ERAP1: variants seen among roughly 807,000 people sequenced by gnomAD.
ERAP1 encodes adipocyte-derived leucine aminopeptidase.
ERAP1 carries 86 observed loss-of-function variants against 103.7 expected under a neutral mutation model. That is an observed-to-expected ratio of 0.83 (90% CI 0.70 to 0.99). The LOEUF is 0.99. Among genes scored for constraint, ERAP1 ranks in the 50% least tolerant of loss-of-function variants. The pLI is 0.00. For synonymous variants in ERAP1, 398 were observed against 402.4 expected (o/e 0.99, Z 0.13); for missense variants, 1,009 against 1,128.4 (o/e 0.89, Z 1.52).
At chr5:96,769,425 A>G (rs1581441480) in intron 19 of ERAP1, 1 of 151,390 alleles carries the variant, frequency 6.6e-6, no homozygotes, top group Admixed American at 6.6e-5. Flanking sequence ...TTGGTACACA[A>G]AAGCCAGTCC....
the ERAP1 span, among the ~76,000 whole-genome samples, chr5:96,825,051 A>C: frequency 1.3e-5 from 2 of 152,164 alleles, no homozygotes; most frequent in African/African-American, 4.8e-5. Context: ...TCAAAAATAA[A>C]TAAATTAATT....
At chr5:96,909,296 G>A in the ERAP1 span, among the ~76,000 whole-genome samples, 13 of 152,310 alleles carry the variant, frequency 8.5e-5, no homozygotes, top group East Asian at 1.9e-3. Flanking sequence ...CTAAGAGCTA[G>A]ATACCAGGAT....
At chr5:96,883,846 C>T in the ERAP1 span, 1 of 1,613,900 alleles carries the variant, frequency 6.2e-7, no homozygotes, top group South Asian at 1.1e-5. Flanking sequence ...CTTTCCCTTG[C>T]TTTGATGAAC....
the ERAP1 span, among the ~76,000 whole-genome samples, chr5:96,898,155 C>G: frequency 1.3e-5 from 2 of 152,074 alleles, no homozygotes; most frequent in Non-Finnish European, 2.9e-5. Flanking sequence ...GAGATTGCAC[C>G]ACTGCACTCC....
chr5:96,779,786 G>A (rs1198136674), intron 18 of ERAP1, among the ~76,000 whole-genome samples: 1 of 152,160 alleles, frequency 6.6e-6, no homozygotes, highest in Non-Finnish European at 1.5e-5. Context: ...TATGCTTCAT[G>A]TTCTCTTTTA....
At chr5:96,838,810 A>AACAC in the ERAP1 span, among the ~76,000 whole-genome samples, 159 of 150,196 alleles carry the variant, frequency 1.1e-3, 2 homozygotes, top group Middle Eastern at 3.4e-3. Context: ...ACTTGTCTCT[A>AACAC]ACACACACAC....
the ERAP1 span, among the ~76,000 whole-genome samples, chr5:96,906,996 C>A: frequency 6.6e-6 from 1 of 152,150 alleles, no homozygotes; most frequent in African/African-American, 2.4e-5. Flanking sequence ...CCATTGCACT[C>A]CAGCCTGGGC....
the ERAP1 span, among the ~76,000 whole-genome samples, chr5:96,865,519 A>T: frequency 6.6e-6 from 1 of 152,232 alleles, no homozygotes; most frequent in African/African-American, 2.4e-5. Flanking sequence ...CTTGGTAGAT[A>T]GTTAATTGTT....
the ERAP1 span, among the ~76,000 whole-genome samples, chr5:96,814,707 C>G: frequency 6.6e-6 from 1 of 152,308 alleles, no homozygotes; most frequent in African/African-American, 2.4e-5. Context: ...AGCTGACATC[C>G]TGACCAACAA....
the ERAP1 span, among the ~76,000 whole-genome samples, chr5:96,820,828 ATTTG>A: frequency 6.6e-6 from 1 of 152,148 alleles, no homozygotes; most frequent in African/African-American, 2.4e-5. Context: ...ATAACTTCTA[ATTTG>A]TTTGTTTACT....
chr5:96,791,997 T>C, intron 8 of ERAP1, 64 bp downstream of exon 8: 1 of 1,587,710 alleles, frequency 6.3e-7, no homozygotes, highest in Non-Finnish European at 8.6e-7. Context: ...GCCTATAACT[T>C]CTCCACCCCA....
Position 96,774,893 on chromosome 5 carries a change from G to GGAACACA in ERAP1, c.*1496_*1502dup. ...TCACTCTATTTTGTCGTGTATTAGG[G>GGAACACA]GAACACATTTTGACATTTTTCGTAC... On this transcript the variant is annotated 3_prime_UTR_variant, in exon 19 of 19. Coordinates refer to ENST00000443439, the MANE Select transcript of ERAP1 (RefSeq NM_001040458.3). 1 of 984,666 alleles carries GGAACACA rather than the reference G, an allele frequency of 1.0e-6. No individual in the cohort carries two copies. The highest frequency in any genetic ancestry group is 1.2e-6 in the Non-Finnish European group (1 of 829,450). 61.0% of individuals were successfully genotyped at this position (984,666 alleles called of 1,614,324 possible).
At chr5:96,790,397 T>G in intron 9 of ERAP1, 30 bp from the exon 10 acceptor site, 1 of 1,612,054 alleles carries the variant, frequency 6.2e-7, no homozygotes, top group South Asian at 1.1e-5. Context: ...ACATCACTCT[T>G]ATTTCTATAG....
chr5:96,910,514 T>C, the ERAP1 span, among the ~76,000 whole-genome samples: 1 of 152,272 alleles, frequency 6.6e-6, no homozygotes, highest in East Asian at 1.9e-4. Flanking sequence ...TTGTTTCTGT[T>C]TCAATGGGTT....
At chr5:96,921,602 A>C in the ERAP1 span, among the ~76,000 whole-genome samples, 4 of 152,176 alleles carry the variant, frequency 2.6e-5, no homozygotes, top group Admixed American at 1.3e-4. Flanking sequence ...CCCAACCATA[A>C]ATTCAAGATC....
chr5:96,834,136 T>C, the ERAP1 span, among the ~76,000 whole-genome samples: 1 of 152,218 alleles, frequency 6.6e-6, no homozygotes, highest in Non-Finnish European at 1.5e-5. Context: ...TCCTCAGTAA[T>C]TCAGTGACTT....
the ERAP1 span, among the ~76,000 whole-genome samples, chr5:96,911,866 C>CAAAAAAAAA: frequency 1.8e-3 from 101 of 56,546 alleles, 1 homozygote; most frequent in South Asian, 0.012. Context: ...GACCCTGTCT[C>CAAAAAAAAA]AAAAAAAAAA....
At chr5:96,909,841 T>C in the ERAP1 span, 1 of 1,428,748 alleles carries the variant, frequency 7.0e-7, no homozygotes, top group Non-Finnish European at 9.5e-7. Context: ...AGACATTAGG[T>C]CTAAAACCTT....
chr5:96,808,876 C>A (rs763665785), upstream of ERAP1, among the ~76,000 whole-genome samples: 1 of 151,982 alleles, frequency 6.6e-6, no homozygotes, highest in African/African-American at 2.4e-5. Context: ...TTGGATTTTG[C>A]GCAAGAAAGA....
Sources: gnomAD v4.1 joint callset for allele counts (sites outside exome capture counted in the v4.1 genomes callset) on GRCh38, gnomAD v4.1.1 for gene constraint, MANE v1.5 for transcripts, NCBI Gene and HGNC (gene_info 2026-07-23, HGNC 2026-07-21) for gene names.